Variants in TMEM232 observed in about 807,000 individuals in gnomAD.
The protein encoded by TMEM232 is transmembrane protein 232.
TMEM232 carries 80 observed loss-of-function variants against 78.8 expected under a neutral mutation model. The ratio of observed to expected loss-of-function variants is 1.01; its 90% CI spans 0.85 to 1.22. The LOEUF is 1.22. Ranked by LOEUF, TMEM232 falls within the 50% of genes most tolerant of loss-of-function variation. The pLI, the probability that TMEM232 is intolerant of heterozygous loss-of-function variation, is 0.00. For synonymous variants in TMEM232, 297 were observed against 254.3 expected (o/e 1.17, Z -1.60); for missense variants, 881 against 742.2 (o/e 1.19, Z -2.17).
intron 12 of TMEM232, among the ~76,000 whole-genome samples, chr5:110,497,177 C>CATTAATAAATGAGT (rs1442725716): frequency 6.6e-6 from 1 of 151,948 alleles, no homozygotes; most frequent in African/African-American, 2.4e-5. Flanking sequence ...ACCAACCATA[C>CATTAATAAATGAGT]ATTAATAAAT....
At chr5:110,603,630 T>A (rs910371847) in intron 10 of TMEM232, among the ~76,000 whole-genome samples, 1 of 152,292 alleles carries the variant, frequency 6.6e-6, no homozygotes, top group Non-Finnish European at 1.5e-5. Context: ...TAACTAAGAT[T>A]GTGAACAGCA....
At chr5:110,583,502 G>A (rs1778435396) in intron 10 of TMEM232, among the ~76,000 whole-genome samples, 2 of 151,806 alleles carry the variant, frequency 1.3e-5, no homozygotes, top group Non-Finnish European at 2.9e-5. Context: ...ATTGATTAGA[G>A]ACAAACAGAA....
rs116290311 is a variant in TMEM232 at position 110,463,853 on chromosome 5, A to G, written c.1704-38937T>C. 1.3e-3 allele frequency among the ~76,000 whole-genome samples: 191 copies of G among 152,142 alleles called. 1 individual carries two copies. Among genetic ancestry groups the G allele is most frequent in the Non-Finnish European group, 2.1e-3 (145 of 67,988 alleles). The stretch of plus-strand genomic sequence containing the variant: ...AAGACCACCCACCTGATTTCCCTGT[A>G]TTTCATCTTTATTCTGTGTTCTCCA... On this transcript the variant is annotated intron_variant, in intron 12 of 13. Transcript: ENST00000455884.
rs368941470 is a variant in TMEM232, at chr5:110,699,990, A to G, written c.-13+26637T>C. On this transcript the variant is annotated intron_variant, in intron 1 of 13. Transcript: ENST00000455884. Reference sequence around the variant, plus strand: ...TATGAACCTGACTATTGAGATTTATAACAATTAATTTATATGCTGGCATCT... The same window carrying G: ...TATGAACCTGACTATTGAGATTTATGACAATTAATTTATATGCTGGCATCT... Among the ~76,000 whole-genome samples, 13 of 152,226 alleles carry G rather than the reference A, an allele frequency of 8.5e-5. 2 individuals are homozygous for G. The highest frequency in any genetic ancestry group is 5.8e-4 in the East Asian group (3 of 5,188).
At chr5:110,674,285 G>A (rs1000295833) in intron 1 of TMEM232, among the ~76,000 whole-genome samples, 1 of 152,112 alleles carries the variant, frequency 6.6e-6, no homozygotes, top group Non-Finnish European at 1.5e-5. Context: ...GAGTTAATTT[G>A]ATAAATGTAG....
intron 1 of TMEM232, among the ~76,000 whole-genome samples, chr5:110,672,307 A>G (rs952865431): frequency 4.6e-5 from 7 of 152,208 alleles, no homozygotes; most frequent in Non-Finnish European, 8.8e-5. Flanking sequence ...AAGTTCCACA[A>G]TGCCCTGTTA....
chr5:110,724,031 G>C (rs1797918496), intron 1 of TMEM232, among the ~76,000 whole-genome samples: 1 of 152,166 alleles, frequency 6.6e-6, no homozygotes, highest in Non-Finnish European at 1.5e-5. Flanking sequence ...CAAGTTGTTG[G>C]AGACGAGTTT....
At chr5:110,587,348 C>T (rs543609857) in intron 10 of TMEM232, among the ~76,000 whole-genome samples, 15 of 151,952 alleles carry the variant, frequency 9.9e-5, no homozygotes, top group Non-Finnish European at 1.9e-4. Flanking sequence ...GAATCTCCAG[C>T]ATATGATATT....
chr5:110,638,768 G>A (rs963406762), intron 4 of TMEM232, among the ~76,000 whole-genome samples: 7 of 152,140 alleles, frequency 4.6e-5, no homozygotes, highest in Non-Finnish European at 1.5e-5. Context: ...AGGAAGAAAT[G>A]TCCAAGGGGG....
intron 11 of TMEM232, among the ~76,000 whole-genome samples, chr5:110,549,298 T>A (rs567757141): frequency 6.6e-6 from 1 of 151,770 alleles, no homozygotes; most frequent in African/African-American, 2.4e-5. Flanking sequence ...AAACACAGTA[T>A]CAAGAGAATC....
chr5:110,723,601 A>G (rs72773186), intron 1 of TMEM232, among the ~76,000 whole-genome samples: 11,433 of 151,796 alleles, frequency 0.075, 499 homozygotes, highest in Admixed American at 0.12. Context: ...TGTTTACACA[A>G]CTCTCCCTAT....
chr5:110,649,477 C>T (rs962383568), intron 2 of TMEM232, among the ~76,000 whole-genome samples: 2 of 151,976 alleles, frequency 1.3e-5, no homozygotes, highest in African/African-American at 4.8e-5. Context: ...CTTTTAATTA[C>T]AAGAGTATGT....
intron 12 of TMEM232, among the ~76,000 whole-genome samples, chr5:110,428,319 T>C (rs1402723817): frequency 6.6e-6 from 1 of 151,894 alleles, no homozygotes; most frequent in Non-Finnish European, 1.5e-5. Flanking sequence ...CTGACCTCAC[T>C]TTCCTTAGCA....
At chr5:110,632,287 G>T (rs1041847444) in intron 5 of TMEM232, among the ~76,000 whole-genome samples, 3 of 151,562 alleles carry the variant, frequency 2.0e-5, no homozygotes, top group Non-Finnish European at 2.9e-5. Context: ...TGGAATAAGT[G>T]AATATTACAT....
chr5:110,550,324 C>T (rs1285824945), intron 11 of TMEM232, among the ~76,000 whole-genome samples: 2 of 151,976 alleles, frequency 1.3e-5, no homozygotes, highest in Admixed American at 1.3e-4. Context: ...TAAAAATATG[C>T]AATGTGAAAA....
intron 13 of TMEM232, 111 bp downstream of exon 13, chr5:110,424,712 T>C: frequency 1.2e-6 from 1 of 839,324 alleles, no homozygotes; most frequent in Non-Finnish European, 1.8e-6. Flanking sequence ...ATCATGGCTC[T>C]ACTTTTAAAT....
chr5:110,694,522 G>C (rs967885147), intron 1 of TMEM232, among the ~76,000 whole-genome samples: 2 of 152,134 alleles, frequency 1.3e-5, no homozygotes, highest in Admixed American at 1.3e-4. Context: ...ACTGGATAAA[G>C]AGTCAAGACC....
intron 12 of TMEM232, among the ~76,000 whole-genome samples, chr5:110,432,715 T>C (rs1026375584): frequency 1.3e-5 from 2 of 151,624 alleles, no homozygotes; most frequent in African/African-American, 4.8e-5. Flanking sequence ...ACAGACACAT[T>C]CTTCTGCTGT....
Position 110,642,385 on chromosome 5 carries a change from T to A in TMEM232, c.126-14A>T. The A allele has an allele frequency of 6.8e-7, 1 of 1,480,046 alleles. No individual in the cohort carries two copies. The highest frequency in any genetic ancestry group is 9.0e-7 in the Non-Finnish European group (1 of 1,114,284). 91.7% of individuals were successfully genotyped at this position (1,480,046 alleles called of 1,614,324 possible). On this transcript the variant is annotated splice_polypyrimidine_tract_variant and intron_variant, in intron 2 of 13. Transcript: ENST00000455884. ...GAAAATGTTGGCCTAAATAAAACAT[T>A]GAAAAATTAACATTTAAAAAGTATA... is the stretch of plus-strand genomic sequence containing the variant.
Sources: allele counts gnomAD v4.1 joint callset (sites outside exome capture counted in the v4.1 genomes callset), GRCh38; gene constraint gnomAD v4.1.1; transcripts MANE v1.5; gene names NCBI Gene and HGNC (gene_info 2026-07-23, HGNC 2026-07-21).